The following KDM2A variants were observed in gnomAD, a reference collection of about 807,000 sequenced individuals.
KDM2A encodes lysine demethylase 2A.
In KDM2A, 3 loss-of-function variants were observed where a neutral mutation model predicts 137.3. The observed-to-expected ratio is 0.02, with a 90% CI of 0.01 to 0.06. KDM2A has a LOEUF of 0.06. Ranked by LOEUF, KDM2A falls within the 10% of genes least tolerant of loss-of-function variation. KDM2A has a pLI of 1.00. For missense variants in KDM2A, 738 were observed against 1,510.6 expected, an observed-to-expected ratio of 0.49 and a Z score of 8.48; for synonymous variants, 512 against 541.5, an observed-to-expected ratio of 0.95 and a Z score of 0.76.
At chr11:67,237,000 G>A (rs199801264) in intron 12 of KDM2A, among the ~76,000 whole-genome samples, 1 of 152,186 alleles carries the variant, frequency 6.6e-6, no homozygotes, top group Admixed American at 6.5e-5. Flanking sequence ...ATGACACAGG[G>A]CACAGAGAAA....
intron 2 of KDM2A, among the ~76,000 whole-genome samples, chr11:67,143,892 A>G (rs1318625880): frequency 6.6e-6 from 1 of 152,034 alleles, no homozygotes; most frequent in Non-Finnish European, 1.5e-5. Flanking sequence ...TCGGCCTCCC[A>G]AAGTGCTGGG....
intron 2 of KDM2A, among the ~76,000 whole-genome samples, chr11:67,174,922 AGTGAGGACTG>A (rs1856947174): frequency 6.6e-6 from 1 of 152,228 alleles, no homozygotes. Flanking sequence ...CACTGGGCCT[AGTGAGGACTG>A]GTACCTACAG....
rs1346545516 is a variant in KDM2A, at chr11:67,119,345, C to T, written c.-788C>T. 1.2e-5 allele frequency: 2 copies of T among 166,348 alleles called. No homozygotes were observed. Among genetic ancestry groups the T allele is most frequent in the Non-Finnish European group, 2.5e-5 (2 of 79,830 alleles). 10.3% of individuals were successfully genotyped at this position (166,348 alleles called of 1,614,324 possible). A position where few individuals can be genotyped will look rare whatever the true frequency, so the allele number is the denominator to read the frequency against. ...TGAGGGAAACAACACCCCTCCCCGGCAGCGGCGGCGGCGGCGGCGGCTCTC... is the reference window on the plus strand; with the variant it reads ...TGAGGGAAACAACACCCCTCCCCGGTAGCGGCGGCGGCGGCGGCGGCTCTC... On this transcript the variant is annotated 5_prime_UTR_variant, in exon 1 of 21. Coordinates refer to ENST00000529006, the MANE Select transcript of KDM2A (RefSeq NM_012308.3).
At chr11:67,161,275 TG>T (rs1238571810) in intron 2 of KDM2A, among the ~76,000 whole-genome samples, 6 of 152,212 alleles carry the variant, frequency 3.9e-5, no homozygotes, top group Non-Finnish European at 8.8e-5. Flanking sequence ...AGCATGATCA[TG>T]GTAAACTGTG....
At position 67,198,316 on chromosome 11, in the gene KDM2A, A is replaced by ATTTT. The variant is rs142427113; in HGVS notation, c.308-9182_308-9179dup. 2.8e-5 allele frequency among the ~76,000 whole-genome samples: 4 copies of ATTTT among 142,588 alleles called. No homozygotes were observed. The East Asian group carries it at 6.2e-4, about 22-fold the overall frequency. 93.5% of individuals were successfully genotyped at this position (142,588 alleles called of 152,430 possible). On this transcript the variant is annotated intron_variant, in intron 5 of 20. Transcript: ENST00000529006. ...TTTTATTGCACTTTGCAGATAGTGT[A>ATTTT]TTTTTTTTTTTTTTTAACAAATTGA...
intron 2 of KDM2A, among the ~76,000 whole-genome samples, chr11:67,176,892 C>T (rs781411056): frequency 6.6e-6 from 1 of 152,138 alleles, no homozygotes; most frequent in South Asian, 2.1e-4. Context: ...TGAGTAAATG[C>T]GAGGGCCTAA....
chr11:67,218,194 A>G (rs1278545485), intron 9 of KDM2A, among the ~76,000 whole-genome samples: 1 of 152,180 alleles, frequency 6.6e-6, no homozygotes, highest in Non-Finnish European at 1.5e-5. Flanking sequence ...GTGATACACA[A>G]TCTATGTTGA....
intron 3 of KDM2A, among the ~76,000 whole-genome samples, chr11:67,181,024 A>G (rs1025413865): frequency 4.6e-5 from 7 of 150,934 alleles, no homozygotes; most frequent in African/African-American, 1.7e-4. Context: ...TAGCATTTAT[A>G]AGATGACTCA....
chr11:67,194,166 T>A (rs1857425718), intron 5 of KDM2A, among the ~76,000 whole-genome samples: 1 of 152,238 alleles, frequency 6.6e-6, no homozygotes, highest in African/African-American at 2.4e-5. Flanking sequence ...AGTATTAGTT[T>A]AAAATGTTCC....
intron 2 of KDM2A, among the ~76,000 whole-genome samples, chr11:67,163,440 TAAAG>T (rs756942302): frequency 8.5e-5 from 13 of 152,200 alleles, no homozygotes; most frequent in East Asian, 1.9e-4. Flanking sequence ...CTTGGAATGA[TAAAG>T]AAGGACATTT....
chr11:67,151,689 A>G (rs985268361), intron 2 of KDM2A, among the ~76,000 whole-genome samples: 1 of 152,158 alleles, frequency 6.6e-6, no homozygotes, highest in African/African-American at 2.4e-5. Flanking sequence ...AAGGATTAAA[A>G]TAGCCCCATA....
chr11:67,122,361 T>G (rs1363884112), intron 2 of KDM2A, among the ~76,000 whole-genome samples: 2 of 152,242 alleles, frequency 1.3e-5, no homozygotes, highest in African/African-American at 4.8e-5. Context: ...AGTCTCACTC[T>G]GTCGCCCACG....
At chr11:67,215,157 A>G (rs532395856) in intron 6 of KDM2A, among the ~76,000 whole-genome samples, 183 bp from the exon 7 acceptor site, 4 of 152,294 alleles carry the variant, frequency 2.6e-5, no homozygotes, top group Admixed American at 1.3e-4. Flanking sequence ...TCATATAACA[A>G]TTATTTCTAG....
At chr11:67,150,538 T>C (rs1856360408) in intron 2 of KDM2A, among the ~76,000 whole-genome samples, 1 of 152,156 alleles carries the variant, frequency 6.6e-6, no homozygotes. Flanking sequence ...GGGAAGGAGA[T>C]TGATTTTGAA....
At chr11:67,150,622 A>C (rs1354533950) in intron 2 of KDM2A, among the ~76,000 whole-genome samples, 1 of 152,154 alleles carries the variant, frequency 6.6e-6, no homozygotes, top group Admixed American at 6.6e-5. Context: ...CATAGTTACT[A>C]ATCCTTTGAG....
In KDM2A at chr11:67,203,414, TAATA is replaced by T. The variant is rs879834814; in HGVS notation, c.308-4091_308-4088del. 5.9e-3 allele frequency among the ~76,000 whole-genome samples: 650 copies of T among 110,164 alleles called. 2 individuals carry two copies. Among genetic ancestry groups the T allele is most frequent in the Non-Finnish European group, 9.4e-3 (443 of 47,102 alleles). The allele number at this position is 110,164 out of a possible 152,430, so 72.3% of individuals were successfully genotyped here. A position where few individuals can be genotyped will look rare whatever the true frequency, so the allele number is the denominator to read the frequency against. On this transcript the variant is annotated intron_variant, in intron 5 of 20. Transcript: ENST00000529006. ...AGTCTGAAAATACAAAATAGTCTAG[TAATA>T]AATAGTCTATAATAAATAATATATT...
intron 5 of KDM2A, among the ~76,000 whole-genome samples, chr11:67,182,383 G>A (rs1352513655): frequency 1.3e-5 from 2 of 152,036 alleles, no homozygotes; most frequent in African/African-American, 4.8e-5. Flanking sequence ...TTGGGAAAAA[G>A]AAAGCAAATT....
intron 2 of KDM2A, among the ~76,000 whole-genome samples, chr11:67,135,355 C>T (rs979411427): frequency 1.3e-5 from 2 of 152,136 alleles, no homozygotes; most frequent in South Asian, 2.1e-4. Flanking sequence ...TGAGCCACCG[C>T]GCCCAGCACA....
intron 2 of KDM2A, among the ~76,000 whole-genome samples, chr11:67,125,833 A>ACT (rs1470946745): frequency 1.3e-5 from 2 of 150,534 alleles, no homozygotes; most frequent in Non-Finnish European, 2.9e-5. Context: ...AATACCAGCT[A>ACT]CTCAGGAGGC....
Sources: gnomAD v4.1 joint callset for allele counts (sites outside exome capture counted in the v4.1 genomes callset) on GRCh38, gnomAD v4.1.1 for gene constraint, MANE v1.5 for transcripts, NCBI Gene and HGNC (gene_info 2026-07-23, HGNC 2026-07-21) for gene names.